WDR47: variants seen among roughly 807,000 people sequenced by gnomAD.
WDR47 encodes WD repeat-containing protein 47.
In WDR47, 32 loss-of-function variants were observed where a neutral mutation model predicts 97.2. That is an observed-to-expected ratio of 0.33 (90% CI 0.25 to 0.44). The LOEUF (loss-of-function observed/expected upper bound fraction) is 0.44. WDR47 is among the 20% of genes least tolerant of loss of function. The probability of loss-of-function intolerance (pLI) is 1.00; values close to 1 mark genes in which losing one functional copy is unlikely to be tolerated. For synonymous variants in WDR47, 375 were observed against 373.5 expected (o/e 1.00, Z -0.05); for missense variants, 782 against 1,102.3 (o/e 0.71, Z 4.11).
intron 5 of WDR47, among the ~76,000 whole-genome samples, 177 bp downstream of exon 5, chr1:109,010,739 C>T (rs574988408): frequency 5.3e-5 from 8 of 152,094 alleles, no homozygotes; most frequent in African/African-American, 1.2e-4. Flanking sequence ...CCTGCCACCA[C>T]GCCCAGCTAA....
intron 5 of WDR47, among the ~76,000 whole-genome samples, chr1:109,010,322 C>T (rs1464058384): frequency 1.3e-5 from 2 of 152,108 alleles, no homozygotes; most frequent in Middle Eastern, 6.3e-3. Context: ...TTTGGGAGGC[C>T]AAGGCAGGAT....
intron 9 of WDR47, 60 bp from the exon 10 acceptor site, chr1:108,986,740 T>C: frequency 7.4e-7 from 1 of 1,351,182 alleles, no homozygotes; most frequent in South Asian, 1.5e-5. Flanking sequence ...AGAATTCATC[T>C]TTCTCCCATT....
In WDR47 at chr1:108,986,673, T is replaced by C. The variant is rs202151026; in HGVS notation, c.1775A>G (p.Lys592Arg). The C allele has an allele frequency of 1.2e-4, 192 of 1,594,862 alleles. No homozygotes were observed. In the East Asian group the frequency reaches 2.2e-3, roughly 18 times the overall value. ...AATACAAACAAACTGCTTTTTTGATTTGTCATCCTATGGAAAGAATGAATA... is the reference window on the plus strand; with the variant it reads ...AATACAAACAAACTGCTTTTTTGATCTGTCATCCTATGGAAAGAATGAATA... ...LSRSKGEEDD[K>R]SKKQFVCINI... The change falls in exon 10 of 15, where the codon AAA becomes AGA. Residue 592 changes from lysine to arginine, a missense_variant. Lys to Arg is a conservative substitution (Grantham distance 26). Coordinates refer to ENST00000369962, the MANE Select transcript of WDR47 (RefSeq NM_001142551.2).
intron 13 of WDR47, among the ~76,000 whole-genome samples, chr1:108,979,990 A>G (rs111285593): frequency 7.9e-5 from 12 of 152,188 alleles, no homozygotes; most frequent in African/African-American, 2.4e-4. Flanking sequence ...CAGTGGTGGC[A>G]TTAGATGCTC....
intron 1 of WDR47, among the ~76,000 whole-genome samples, chr1:109,031,795 C>CTTTT (rs56318868): frequency 5.1e-5 from 4 of 78,336 alleles, no homozygotes; most frequent in Non-Finnish European, 8.1e-5. Context: ...ATCTTTCTTT[C>CTTTT]TTTTTTTTTT....
intron 7 of WDR47, among the ~76,000 whole-genome samples, chr1:109,000,177 C>T (rs778707616): frequency 4.6e-5 from 7 of 152,098 alleles, no homozygotes; most frequent in Non-Finnish European, 8.8e-5. Flanking sequence ...CACCACTGCA[C>T]TCCAGCCTAA....
intron 3 of WDR47, among the ~76,000 whole-genome samples, chr1:109,015,461 T>C (rs1661347039): frequency 6.6e-6 from 1 of 151,832 alleles, no homozygotes; most frequent in Non-Finnish European, 1.5e-5. Context: ...GTAGCTGGGA[T>C]TACAGGCATG....
chr1:108,982,066 C>CA (rs1395170506), intron 12 of WDR47, among the ~76,000 whole-genome samples: 1 of 150,878 alleles, frequency 6.6e-6, no homozygotes, highest in East Asian at 2.0e-4. Flanking sequence ...CCAGCCTGGG[C>CA]AACAGTGCAA....
At chr1:109,001,772 C>T (rs915568690) in intron 7 of WDR47, among the ~76,000 whole-genome samples, 5 of 151,908 alleles carry the variant, frequency 3.3e-5, no homozygotes, top group Non-Finnish European at 7.4e-5. Flanking sequence ...TATGCTGTAG[C>T]GCCAGCTACG....
intron 5 of WDR47, among the ~76,000 whole-genome samples, chr1:109,006,448 A>G (rs1383905833): frequency 6.6e-6 from 1 of 152,198 alleles, no homozygotes. Flanking sequence ...TGAATTACTA[A>G]TGGCCACAGG....
At chr1:108,976,458 T>C (rs1170422053) in intron 13 of WDR47, among the ~76,000 whole-genome samples, 1 of 151,882 alleles carries the variant, frequency 6.6e-6, no homozygotes, top group Non-Finnish European at 1.5e-5. Context: ...AAGTTTATAG[T>C]GTCAACAAAA....
At chr1:108,974,805 T>C (rs1471496391) in intron 13 of WDR47, 51 bp from the exon 14 acceptor site, 1 of 1,363,416 alleles carries the variant, frequency 7.3e-7, no homozygotes, top group Non-Finnish European at 1.0e-6. Context: ...TATACCCAAA[T>C]GGCAACACAG....
At chr1:109,000,047 T>A (rs1660062122) in intron 7 of WDR47, among the ~76,000 whole-genome samples, 1 of 152,126 alleles carries the variant, frequency 6.6e-6, no homozygotes, top group African/African-American at 2.4e-5. Context: ...ACCACCAGTT[T>A]AAACAATCCT....
chr1:108,981,642 T>G, intron 13 of WDR47, 91 bp downstream of exon 13: 1 of 1,279,232 alleles, frequency 7.8e-7, no homozygotes, highest in Non-Finnish European at 1.1e-6. Flanking sequence ...TTCACAATTT[T>G]TTCTATTTTT....
intron 6 of WDR47, among the ~76,000 whole-genome samples, chr1:109,002,860 A>G (rs546071097): frequency 6.6e-6 from 1 of 152,330 alleles, no homozygotes; most frequent in East Asian, 1.9e-4. Context: ...TGGGGTAAAA[A>G]GGGAATGTTT....
intron 5 of WDR47, among the ~76,000 whole-genome samples, chr1:109,005,689 T>C (rs989171323): frequency 6.6e-6 from 1 of 151,670 alleles, no homozygotes; most frequent in South Asian, 2.1e-4. Flanking sequence ...CTGGCCAACA[T>C]GGTGAAAACC....
At chr1:109,020,029 T>G (rs902386736) in intron 2 of WDR47, among the ~76,000 whole-genome samples, 2 of 152,052 alleles carry the variant, frequency 1.3e-5, no homozygotes, top group Admixed American at 6.6e-5. Flanking sequence ...GAGAATCATT[T>G]GAGGCCAGGA....
chr1:109,040,864 C>G, intron 1 of WDR47, among the ~76,000 whole-genome samples: 1 of 152,114 alleles, frequency 6.6e-6, no homozygotes, highest in East Asian at 1.9e-4. Flanking sequence ...TTTTTTAAAC[C>G]TACATGTTCA....
intron 10 of WDR47, among the ~76,000 whole-genome samples, chr1:108,983,818 TATAATAAACAC>T (rs552614920): frequency 7.1e-4 from 108 of 151,508 alleles, no homozygotes; most frequent in African/African-American, 2.5e-3. Context: ...GTAATAAACA[TATAATAAACAC>T]ATAATAAACA....
Sources: gnomAD v4.1 joint callset for allele counts (sites outside exome capture counted in the v4.1 genomes callset) on GRCh38, gnomAD v4.1.1 for gene constraint, MANE v1.5 for transcripts, NCBI Gene and HGNC (gene_info 2026-07-23, HGNC 2026-07-21) for gene names.